OTOGL: variants seen among roughly 807,000 people sequenced by gnomAD.
OTOGL encodes the protein otogelin-like protein.
OTOGL carries 285 observed loss-of-function variants against 318.5 expected under a neutral mutation model. That is an observed-to-expected ratio of 0.89 (90% CI 0.81 to 0.99). The LOEUF (loss-of-function observed/expected upper bound fraction) is 0.99, where lower values mean the gene tolerates loss of function less well. Among genes scored for constraint, OTOGL ranks in the 50% least tolerant of loss-of-function variants. The probability of loss-of-function intolerance (pLI) is 0.00; values close to 1 mark genes in which losing one functional copy is unlikely to be tolerated. For missense variants in OTOGL, 2,899 were observed against 2,845.6 expected (o/e 1.02, Z -0.43); for synonymous variants, 987 against 936.5 (o/e 1.05, Z -0.99).
At chr12:80,218,771 ATTTCTTTTTT>A (rs1245132363) in intron 5 of OTOGL, among the ~76,000 whole-genome samples, 164 of 138,722 alleles carry the variant, frequency 1.2e-3, no homozygotes, top group African/African-American at 2.5e-3. Context: ...TTAAGTATAG[ATTTCTTTTTT>A]TTTCTTTTTC....
At chr12:80,134,985 G>A (rs2137127531) in intron 1 of OTOGL, among the ~76,000 whole-genome samples, 1 of 152,230 alleles carries the variant, frequency 6.6e-6, no homozygotes, top group South Asian at 2.1e-4. Context: ...ATGTTCAGTT[G>A]ACCTTTCTCT....
At chr12:80,130,618 G>A (rs1463518524) in intron 1 of OTOGL, among the ~76,000 whole-genome samples, 1 of 152,086 alleles carries the variant, frequency 6.6e-6, no homozygotes, top group East Asian at 1.9e-4. Context: ...AGAAGGGAGT[G>A]GCGAAGCTAA....
chr12:80,128,422 C>T (rs368526132), intron 1 of OTOGL, among the ~76,000 whole-genome samples: 36 of 152,258 alleles, frequency 2.4e-4, no homozygotes, highest in Middle Eastern at 3.4e-3. Flanking sequence ...GAGGAGTACC[C>T]GGCTATGTGA....
chr12:80,256,437 C>G lies in OTOGL; in HGVS notation c.1688C>G (p.Pro563Arg). ...LGRGGQILTS[P>R]NQGFNLNGIV... ...AGGGGAGGACAAATTCTCACTAGTC[C>G]TAACCAAGGCTTCAACCTGAATGGT... is the stretch of plus-strand genomic sequence containing the variant. The change falls in exon 17 of 59, where the codon CCT becomes CGT. Residue 563 changes from proline (P) to arginine (R), a missense_variant. This residue lies in a region of OTOGL where 2,607 missense variants were observed against 2,524.9 expected (regional missense o/e 1.03). Coordinates refer to ENST00000547103, the MANE Select transcript of OTOGL (RefSeq NM_001378609.3). 2 of 1,584,390 alleles carry G rather than the reference C, an allele frequency of 1.3e-6. No homozygotes were observed. The highest frequency in any genetic ancestry group is 1.7e-6 in the Non-Finnish European group (2 of 1,171,854).
rs56290418 is a variant in OTOGL at position 80,280,105 on chromosome 12, A to C, written c.2928+939A>C. 4.0e-3 allele frequency among the ~76,000 whole-genome samples: 609 copies of C among 151,704 alleles called. 4 individuals carry two copies. The highest frequency in any genetic ancestry group is 0.014 in the African/African-American group (580 of 41,398). ...TTGGCTGCATGTATGTATTCTTTTG[A>C]GATGTGTCTGTTCATGTCCTTTGCC... On this transcript the variant is annotated intron_variant, in intron 26 of 58. Coordinates refer to ENST00000547103, the MANE Select transcript of OTOGL (RefSeq NM_001378609.3).
intron 1 of OTOGL, among the ~76,000 whole-genome samples, chr12:80,202,437 A>T (rs2137287643): frequency 6.6e-6 from 1 of 151,542 alleles, no homozygotes; most frequent in Admixed American, 6.6e-5. Context: ...CGCCTGGCTA[A>T]TTTTTTTGTA....
chr12:80,117,026 A>G (rs1870207355), intron 1 of OTOGL, among the ~76,000 whole-genome samples: 1 of 152,176 alleles, frequency 6.6e-6, no homozygotes, highest in Non-Finnish European at 1.5e-5. Flanking sequence ...AAGGTGATCC[A>G]TTGGCATGAA....
chr12:80,105,109 C>T (rs938656799), intron 1 of OTOGL, among the ~76,000 whole-genome samples: 6 of 151,396 alleles, frequency 4.0e-5, no homozygotes, highest in African/African-American at 1.5e-4. Context: ...GTCTCAAAAA[C>T]AAAACAAACG....
chr12:80,370,814 A>G (rs1234739313), intron 56 of OTOGL, 125 bp downstream of exon 56: 4 of 691,516 alleles, frequency 5.8e-6, no homozygotes, highest in Non-Finnish European at 8.3e-6. Context: ...ATTTTCATGA[A>G]TGAATAAAAG....
In OTOGL at chr12:80,328,658, T is replaced by C. The variant is rs112186305; in HGVS notation, c.4200-7T>C. 5 of 1,579,444 alleles carry C rather than the reference T, an allele frequency of 3.2e-6. No homozygotes were observed. Among genetic ancestry groups the C allele is most frequent in the East Asian group, 2.2e-5 (1 of 44,706 alleles). Reference sequence around the variant, plus strand: ...TCACTTTGATTTACTCTTTTTTCCATGTAAAGGGTTGAAGGATGCTTGCCC... The same window carrying C: ...TCACTTTGATTTACTCTTTTTTCCACGTAAAGGGTTGAAGGATGCTTGCCC... On this transcript the variant is annotated splice_polypyrimidine_tract_variant and splice_region_variant and intron_variant, in intron 35 of 58. Transcript: ENST00000547103.
At chr12:80,117,884 T>C (rs1870260165) in intron 1 of OTOGL, among the ~76,000 whole-genome samples, 1 of 152,180 alleles carries the variant, frequency 6.6e-6, no homozygotes, top group Admixed American at 6.5e-5. Context: ...TTTTTCTTCT[T>C]CAAAAGCACA....
At chr12:80,146,067 T>G (rs1280001908) in intron 1 of OTOGL, among the ~76,000 whole-genome samples, 25 of 151,018 alleles carry the variant, frequency 1.7e-4, no homozygotes, top group Middle Eastern at 3.4e-3. Flanking sequence ...CCTGCCTAAT[T>G]GCCCTGGCCA....
chr12:80,218,434 C>A (rs565589089), intron 5 of OTOGL, among the ~76,000 whole-genome samples: 1 of 152,140 alleles, frequency 6.6e-6, no homozygotes, highest in Non-Finnish European at 1.5e-5. Flanking sequence ...TTCTTGCCTT[C>A]GGCAGAACTG....
intron 55 of OTOGL, 78 bp from the exon 56 acceptor site, chr12:80,370,492 T>C: frequency 8.1e-7 from 1 of 1,228,456 alleles, no homozygotes. Context: ...TGACTTTTTA[T>C]TCAATAGAAT....
chr12:80,181,173 G>C (rs2137239660), intron 1 of OTOGL, among the ~76,000 whole-genome samples: 1 of 152,198 alleles, frequency 6.6e-6, no homozygotes, highest in East Asian at 1.9e-4. Flanking sequence ...CTTTGTTGTA[G>C]AAGCATAAAA....
chr12:80,270,280 A>G, intron 23 of OTOGL, 126 bp downstream of exon 23: 2 of 747,496 alleles, frequency 2.7e-6, no homozygotes, highest in South Asian at 1.8e-5. Flanking sequence ...AATGTTCTTC[A>G]ACATGGTGTT....
chr12:80,336,381 T>C (rs1300843736), intron 39 of OTOGL, 32 bp from the exon 40 acceptor site: 2 of 1,552,658 alleles, frequency 1.3e-6, no homozygotes, highest in South Asian at 1.2e-5. Flanking sequence ...AGATAGTTAA[T>C]AGACTAAATC....
chr12:80,222,239 T>C lies in OTOGL; in HGVS notation c.483T>C (p.Thr161=), dbSNP rs1275667476. Residue 161 remains threonine (T), a synonymous_variant, in exon 7 of 59, where the codon ACT becomes ACC. Coordinates refer to ENST00000547103, the MANE Select transcript of OTOGL (RefSeq NM_001378609.3). Reference sequence around the variant, plus strand: ...GTGGTGATTTGGAGCCTCGGTACACTGTATGGGTAGGTGATTGTAGGACAT... The same window carrying C: ...GTGGTGATTTGGAGCCTCGGTACACCGTATGGGTAGGTGATTGTAGGACAT... ...KDCGDLEPRY[T]VWVHNSPKCL... is the part of the protein sequence containing the mutation. The C allele has an allele frequency of 6.3e-7, 1 of 1,590,328 alleles. No individual in the cohort carries two copies. Among genetic ancestry groups the C allele is most frequent in the South Asian group, 1.1e-5 (1 of 89,682 alleles).
chr12:80,193,686 G>C (rs541784201), intron 1 of OTOGL, among the ~76,000 whole-genome samples: 2 of 152,266 alleles, frequency 1.3e-5, no homozygotes, highest in African/African-American at 4.8e-5. Context: ...AGTTTTGGAG[G>C]CTTGCGGTAC....
Sources: allele counts gnomAD v4.1 joint callset (sites outside exome capture counted in the v4.1 genomes callset), GRCh38; gene constraint gnomAD v4.1.1; regional missense constraint gnomAD v4.1.1; transcripts MANE v1.5; gene names NCBI Gene and HGNC (gene_info 2026-07-23, HGNC 2026-07-21).